Variants in OSBPL6 observed in about 807,000 individuals in gnomAD.
OSBPL6 encodes oxysterol-binding protein-related protein 6.
OSBPL6 carries 49 observed loss-of-function variants against 125.8 expected under a neutral mutation model. The observed-to-expected ratio is 0.39, with a 90% CI of 0.31 to 0.49. The LOEUF (loss-of-function observed/expected upper bound fraction) is 0.49. Ranked by LOEUF, OSBPL6 falls within the 20% of genes least tolerant of loss-of-function variation. The pLI is 0.88. For synonymous variants in OSBPL6, 394 were observed against 391.8 expected (o/e 1.01, Z -0.07); for missense variants, 986 against 1,135.4 (o/e 0.87, Z 1.89).
chr2:178,253,116 G>A (rs1383838479), intron 1 of OSBPL6, among the ~76,000 whole-genome samples: 1 of 151,560 alleles, frequency 6.6e-6, no homozygotes, highest in Non-Finnish European at 1.5e-5. Context: ...CCACCTCCCA[G>A]GTTCAAGCGA....
chr2:178,269,774 C>T (rs1489471344), intron 1 of OSBPL6, among the ~76,000 whole-genome samples: 1 of 152,102 alleles, frequency 6.6e-6, no homozygotes, highest in African/African-American at 2.4e-5. Flanking sequence ...ACAATATAGG[C>T]ATTCGGTCAG....
At chr2:178,211,571 G>A (rs1034211358) in intron 1 of OSBPL6, among the ~76,000 whole-genome samples, 1 of 152,160 alleles carries the variant, frequency 6.6e-6, no homozygotes, top group Non-Finnish European at 1.5e-5. Context: ...TCAGCCAGAT[G>A]CCATTTTGAT....
At chr2:178,317,249 C>T (rs1345222344) in intron 3 of OSBPL6, among the ~76,000 whole-genome samples, 7 of 150,876 alleles carry the variant, frequency 4.6e-5, no homozygotes, top group African/African-American at 7.3e-5. Context: ...AACCCTACCT[C>T]GATAAGAATA....
intron 11 of OSBPL6, among the ~76,000 whole-genome samples, chr2:178,346,452 G>A (rs1690726302): frequency 6.6e-6 from 1 of 152,094 alleles, no homozygotes; most frequent in Admixed American, 6.5e-5. Flanking sequence ...TTTCACTTTT[G>A]ACTTATTCAT....
chr2:178,209,894 G>C (rs2089758496), intron 1 of OSBPL6, among the ~76,000 whole-genome samples: 1 of 151,542 alleles, frequency 6.6e-6, no homozygotes, highest in South Asian at 2.1e-4. Flanking sequence ...AACTTAAAAA[G>C]CTTCCCAAGA....
At chr2:178,225,727 A>G (rs2090534066) in intron 1 of OSBPL6, among the ~76,000 whole-genome samples, 1 of 152,234 alleles carries the variant, frequency 6.6e-6, no homozygotes, top group Non-Finnish European at 1.5e-5. Context: ...CACAGCAGGC[A>G]AAGAAAGAGC....
intron 22 of OSBPL6, among the ~76,000 whole-genome samples, chr2:178,391,718 A>G (rs916019676): frequency 1.3e-5 from 2 of 152,264 alleles, no homozygotes; most frequent in Non-Finnish European, 2.9e-5. Flanking sequence ...GAGTTCTGAT[A>G]ACACATTAGC....
intron 2 of OSBPL6, among the ~76,000 whole-genome samples, chr2:178,297,553 C>T (rs908584438): frequency 6.6e-6 from 1 of 152,210 alleles, no homozygotes; most frequent in African/African-American, 2.4e-5. Context: ...AAGTGATAAG[C>T]TCAGTAAACA....
At chr2:178,244,312 T>G (rs1444243911) in intron 1 of OSBPL6, among the ~76,000 whole-genome samples, 2 of 152,228 alleles carry the variant, frequency 1.3e-5, no homozygotes, top group African/African-American at 4.8e-5. Context: ...TCCTCCTCTC[T>G]TATTTTTTCT....
At chr2:178,333,231 AAAAATTT>A (rs1012083668) in intron 8 of OSBPL6, among the ~76,000 whole-genome samples, 190 bp downstream of exon 8, 7 of 152,114 alleles carry the variant, frequency 4.6e-5, no homozygotes, top group Non-Finnish European at 7.4e-5. Flanking sequence ...CTAAAAACAC[AAAAATTT>A]GTCAAATGTG....
chr2:178,293,590 G>A (rs776668433), intron 2 of OSBPL6, among the ~76,000 whole-genome samples: 17 of 152,044 alleles, frequency 1.1e-4, no homozygotes, highest in Non-Finnish European at 2.2e-4. Flanking sequence ...TAATCACATC[G>A]TGGAAGATGG....
chr2:178,308,962 G>A (rs949367063), intron 3 of OSBPL6, among the ~76,000 whole-genome samples: 5 of 152,032 alleles, frequency 3.3e-5, no homozygotes, highest in Non-Finnish European at 7.4e-5. Context: ...CACAATTAAG[G>A]CCACAGTTTC....
intron 13 of OSBPL6, among the ~76,000 whole-genome samples, chr2:178,367,256 T>C (rs1165358821): frequency 6.6e-6 from 1 of 152,120 alleles, no homozygotes; most frequent in Non-Finnish European, 1.5e-5. Context: ...TTTTAAAAAT[T>C]TGTCTATATT....
intron 9 of OSBPL6, among the ~76,000 whole-genome samples, chr2:178,338,656 A>C (rs1042269671): frequency 1.3e-4 from 20 of 152,220 alleles, no homozygotes; most frequent in Non-Finnish European, 1.2e-4. Context: ...AGCTCCTAAC[A>C]ATGAAACCAC....
rs557669912 is a variant in OSBPL6, at chr2:178,388,384, G to A, written c.2157-625G>A. ...TCCCTCCTACCTGGAATCCTGCGGTGGCCCATTGCCTGCAGGGTAAATCTA... is the reference window on the plus strand; with the variant it reads ...TCCCTCCTACCTGGAATCCTGCGGTAGCCCATTGCCTGCAGGGTAAATCTA... On this transcript the variant is annotated intron_variant, in intron 20 of 24. Coordinates refer to ENST00000190611, the MANE Select transcript of OSBPL6 (RefSeq NM_032523.4). 2.0e-5 allele frequency among the ~76,000 whole-genome samples: 3 copies of A among 152,216 alleles called. No homozygotes were observed. The East Asian group carries it at 5.8e-4, about 29-fold the overall frequency.
chr2:178,304,279 A>C (rs1686558320), intron 2 of OSBPL6, among the ~76,000 whole-genome samples: 1 of 152,178 alleles, frequency 6.6e-6, no homozygotes, highest in African/African-American at 2.4e-5. Flanking sequence ...CTAATTTATA[A>C]AGGAAAGAGG....
rs1395468061 is a variant in OSBPL6, at chr2:178,398,673, G to GA, written c.*3120dup. 4 of 152,114 alleles carry GA rather than the reference G, an allele frequency of 2.6e-5. No individual in the cohort carries two copies. The highest frequency in any genetic ancestry group is 2.1e-4 in the South Asian group (1 of 4,818). The allele number at this position is 152,114 out of a possible 1,614,324, so 9.4% of individuals were successfully genotyped here. A position where few individuals can be genotyped will look rare whatever the true frequency, so the allele number is the denominator to read the frequency against. ...ATGGTACATATCAACTATATGTGGG[G>GA]AAAAAATGCAATTTTCTGGGCAAGA... On this transcript the variant is annotated 3_prime_UTR_variant, in exon 25 of 25. Transcript: ENST00000190611.
intron 18 of OSBPL6, among the ~76,000 whole-genome samples, chr2:178,384,693 T>A (rs1218340904): frequency 6.6e-6 from 1 of 152,134 alleles, no homozygotes; most frequent in Non-Finnish European, 1.5e-5. Context: ...CAGATATGCA[T>A]CTCTCTCAGG....
chr2:178,271,472 G>A (rs2092373618), intron 1 of OSBPL6, among the ~76,000 whole-genome samples: 1 of 151,972 alleles, frequency 6.6e-6, no homozygotes, highest in Non-Finnish European at 1.5e-5. Flanking sequence ...ACAATGTTTT[G>A]TTTTTGCTTA....
Sources: allele counts gnomAD v4.1 joint callset (sites outside exome capture counted in the v4.1 genomes callset), GRCh38; gene constraint gnomAD v4.1.1; transcripts MANE v1.5; gene names NCBI Gene and HGNC (gene_info 2026-07-23, HGNC 2026-07-21).